The following HSD17B12 variants were observed in gnomAD, a reference collection of about 807,000 sequenced individuals.
The protein encoded by HSD17B12 is very-long-chain 3-oxoacyl-CoA reductase.
HSD17B12 carries 32 observed loss-of-function variants against 39.3 expected under a neutral mutation model. That is an observed-to-expected ratio of 0.81 (90% confidence interval 0.61 to 1.09). The LOEUF (loss-of-function observed/expected upper bound fraction) is 1.09. Ranked by LOEUF, HSD17B12 falls within the 50% of genes least tolerant of loss-of-function variation. The pLI is 0.00. For synonymous variants in HSD17B12, 150 were observed against 146.7 expected (o/e 1.02, Z -0.16); for missense variants, 342 against 382.9 (o/e 0.89, Z 0.89).
At chr11:43,596,881 G>A in the HSD17B12 span, among the ~76,000 whole-genome samples, 3 of 152,156 alleles carry the variant, frequency 2.0e-5, no homozygotes, top group Non-Finnish European at 4.4e-5. Context: ...GTGACTGCTC[G>A]TCTGAAGAAG....
At chr11:43,663,113 G>A in the HSD17B12 span, among the ~76,000 whole-genome samples, 8 of 152,024 alleles carry the variant, frequency 5.3e-5, no homozygotes, top group African/African-American at 1.9e-4. Flanking sequence ...ACAGAGTCTC[G>A]ATCTGCCTGC....
chr11:43,767,082 G>A (rs775674381), intron 3 of HSD17B12, among the ~76,000 whole-genome samples: 2 of 151,934 alleles, frequency 1.3e-5, no homozygotes, highest in African/African-American at 4.8e-5. Context: ...ATGTGGGAGT[G>A]TACTCCACCG....
intron 1 of HSD17B12, among the ~76,000 whole-genome samples, chr11:43,744,533 T>C (rs1202528015): frequency 1.3e-5 from 2 of 152,188 alleles, no homozygotes; most frequent in African/African-American, 2.4e-5. Flanking sequence ...GAAAATAGAC[T>C]TTTTACAAAA....
intron 6 of HSD17B12, among the ~76,000 whole-genome samples, chr11:43,818,772 G>C (rs1337054843): frequency 1.3e-5 from 2 of 152,120 alleles, no homozygotes; most frequent in African/African-American, 4.8e-5. Context: ...TGGCTAATAG[G>C]AATATATCTA....
intron 1 of HSD17B12, among the ~76,000 whole-genome samples, chr11:43,712,194 G>C (rs569764804): frequency 6.6e-6 from 1 of 152,058 alleles, no homozygotes; most frequent in African/African-American, 2.4e-5. Flanking sequence ...TTTGGGAGGC[G>C]GAGGCGGGCA....
intron 2 of HSD17B12, among the ~76,000 whole-genome samples, chr11:43,751,371 AG>A (rs1253166889): frequency 2.0e-5 from 3 of 152,216 alleles, no homozygotes; most frequent in African/African-American, 4.8e-5. Flanking sequence ...ATTAACAGAA[AG>A]GTATTGATAG....
At chr11:43,769,803 C>T (rs1252480255) in intron 3 of HSD17B12, among the ~76,000 whole-genome samples, 1 of 152,194 alleles carries the variant, frequency 6.6e-6, no homozygotes, top group Admixed American at 6.5e-5. Context: ...ATGTGGGGGC[C>T]ACCCTCATGT....
intron 3 of HSD17B12, among the ~76,000 whole-genome samples, chr11:43,792,862 C>A (rs1950880889): frequency 6.6e-6 from 1 of 151,874 alleles, no homozygotes; most frequent in South Asian, 2.1e-4. Context: ...CTGTCTTATA[C>A]ATACATTTCT....
At chr11:43,624,342 C>T in the HSD17B12 span, among the ~76,000 whole-genome samples, 343 of 152,044 alleles carry the variant, frequency 2.3e-3, no homozygotes, top group Middle Eastern at 6.8e-3. Flanking sequence ...AGTAATGACT[C>T]TCCTATGTCC....
upstream of HSD17B12, among the ~76,000 whole-genome samples, chr11:43,676,395 C>T (rs113310988): frequency 0.01 from 1,578 of 152,254 alleles, 8 homozygotes; most frequent in South Asian, 0.023. Flanking sequence ...TGGAAATAAT[C>T]AGCTTACAGC....
At chr11:43,628,626 C>T in the HSD17B12 span, among the ~76,000 whole-genome samples, 1 of 151,962 alleles carries the variant, frequency 6.6e-6, no homozygotes, top group Non-Finnish European at 1.5e-5. Context: ...CATTCATATA[C>T]TTCTGGTTTT....
the HSD17B12 span, among the ~76,000 whole-genome samples, chr11:43,659,221 C>A: frequency 6.6e-6 from 1 of 152,218 alleles, no homozygotes; most frequent in Non-Finnish European, 1.5e-5. Context: ...CCTGGTGTGC[C>A]GTTTGTTAAG....
chr11:43,574,624 C>A, the HSD17B12 span, among the ~76,000 whole-genome samples: 1 of 152,244 alleles, frequency 6.6e-6, no homozygotes, highest in South Asian at 2.1e-4. Flanking sequence ...TTCAGACACA[C>A]CCCACACACC....
Position 43,712,083 on chromosome 11 carries a change from A to G in HSD17B12, c.160+31096A>G, listed in dbSNP as rs111990561. Reference sequence around the variant, plus strand: ...ACCTTAAGTCTGATAAGAAACATTTACAATCTATTTTCTCTGAAGCCTGCT... The same window carrying G: ...ACCTTAAGTCTGATAAGAAACATTTGCAATCTATTTTCTCTGAAGCCTGCT... On this transcript the variant is annotated intron_variant, in intron 1 of 10. Transcript: ENST00000278353. Among the ~76,000 whole-genome samples the G allele has an allele frequency of 6.6e-3, 1,011 of 152,232 alleles. 8 individuals carry two copies. Among genetic ancestry groups the G allele is most frequent in the African/African-American group, 0.023 (965 of 41,536 alleles).
the HSD17B12 span, among the ~76,000 whole-genome samples, chr11:43,565,062 G>C: frequency 0.015 from 2,219 of 152,150 alleles, 47 homozygotes; most frequent in African/African-American, 0.051. Context: ...ACCAAGCCTG[G>C]CTAGTTTTTA....
At chr11:43,641,975 A>G in the HSD17B12 span, among the ~76,000 whole-genome samples, 2 of 151,890 alleles carry the variant, frequency 1.3e-5, no homozygotes, top group Non-Finnish European at 3.0e-5. Flanking sequence ...TTTGTCACCA[A>G]TGCCACATTT....
the HSD17B12 span, among the ~76,000 whole-genome samples, chr11:43,563,387 GGC>G: frequency 6.6e-6 from 1 of 152,194 alleles, no homozygotes; most frequent in East Asian, 1.9e-4. Flanking sequence ...AGCCACCATA[GGC>G]TTCTGTTTCC....
chr11:43,664,705 C>T, the HSD17B12 span, among the ~76,000 whole-genome samples: 34 of 152,174 alleles, frequency 2.2e-4, no homozygotes, highest in Non-Finnish European at 4.0e-4. Flanking sequence ...CCTTTATTTT[C>T]ATGCTTGGGG....
the HSD17B12 span, among the ~76,000 whole-genome samples, chr11:43,584,174 C>T: frequency 2.6e-5 from 4 of 152,186 alleles, no homozygotes; most frequent in African/African-American, 7.2e-5. Context: ...CTCCCTTTAT[C>T]GGCCCTCTTG....
Sources: allele counts gnomAD v4.1 joint callset (sites outside exome capture counted in the v4.1 genomes callset), GRCh38; gene constraint gnomAD v4.1.1; transcripts MANE v1.5; gene names NCBI Gene and HGNC (gene_info 2026-07-23, HGNC 2026-07-21).